The following SUSD4 variants were observed in gnomAD, a reference collection of about 807,000 sequenced individuals.
SUSD4 encodes sushi domain containing 4, also known as sushi domain-containing protein 4.
A neutral mutation model predicts 50.5 loss-of-function variants in SUSD4; 41 were observed. The ratio of observed to expected loss-of-function variants is 0.81; its 90% CI spans 0.63 to 1.05. The LOEUF (loss-of-function observed/expected upper bound fraction) is 1.05, where lower values mean the gene tolerates loss of function less well. Ranked by LOEUF, SUSD4 falls within the 50% of genes least tolerant of loss-of-function variation. The pLI is 0.00. For synonymous variants in SUSD4, 257 were observed against 257.3 expected, an observed-to-expected ratio of 1.00 and a Z score of 0.01; for missense variants, 580 against 634.7, an observed-to-expected ratio of 0.91 and a Z score of 0.93.
At chr1:223,265,439 T>C (rs1467927051) in intron 4 of SUSD4, among the ~76,000 whole-genome samples, 1 of 152,204 alleles carries the variant, frequency 6.6e-6, no homozygotes, top group Non-Finnish European at 1.5e-5. Flanking sequence ...GAGGGCTTGT[T>C]AGACACAGGC....
intron 2 of SUSD4, among the ~76,000 whole-genome samples, chr1:223,300,860 G>T (rs573264252): frequency 1.3e-5 from 2 of 152,172 alleles, no homozygotes; most frequent in East Asian, 3.9e-4. Flanking sequence ...CATTTTAGAG[G>T]TCATCTAGTT....
At chr1:223,308,698 A>C (rs1009145485) in intron 2 of SUSD4, among the ~76,000 whole-genome samples, 3 of 152,338 alleles carry the variant, frequency 2.0e-5, no homozygotes, top group African/African-American at 7.2e-5. Context: ...CAAAAAATGT[A>C]AACAACTGTG....
chr1:223,278,942 T>A (rs1014638251), intron 3 of SUSD4, among the ~76,000 whole-genome samples: 2 of 152,328 alleles, frequency 1.3e-5, no homozygotes, highest in South Asian at 4.1e-4. Flanking sequence ...CCACTGCTGA[T>A]ACCCAGGCAA....
In SUSD4 at chr1:223,223,424, G is replaced by C. The variant is rs1659265597; in HGVS notation, c.1269C>G (p.Gly423=). ...TGTCACAGGTTTCTGACTCCCCTGG[G>C]CCTGTGTCCGTGTCCCCTGAGCCGG... ...AYPGSGDTDT[G]PGESETCDSV... is the part of the protein sequence containing the mutation. Residue 423 remains glycine, a synonymous_variant, in exon 8 of 9, where the codon GGC becomes GGG. Coordinates refer to ENST00000366878, the MANE Select transcript of SUSD4 (RefSeq NM_017982.4). The C allele has an allele frequency of 6.2e-7, 1 of 1,613,856 alleles. No individual in the cohort carries two copies. The highest frequency in any genetic ancestry group is 8.5e-7 in the Non-Finnish European group (1 of 1,179,930).
chr1:223,292,438 C>T lies in SUSD4; in HGVS notation c.361+1G>A. The T allele has an allele frequency of 6.2e-7, 1 of 1,614,168 alleles. No homozygotes were observed. Among genetic ancestry groups the T allele is most frequent in the East Asian group, 2.2e-5 (1 of 44,874 alleles). ...CTTCCGTGGAGAAGTAAGCACTTTA[C>T]CTTCTTGCACACAGATGGAATTATC... On this transcript the variant is annotated splice_donor_variant, in intron 3 of 8. Transcript: ENST00000366878. LOFTEE classifies it high-confidence loss of function.
intron 5 of SUSD4, among the ~76,000 whole-genome samples, chr1:223,261,467 G>T (rs976906398): frequency 1.3e-5 from 2 of 152,154 alleles, no homozygotes; most frequent in Admixed American, 1.3e-4. Context: ...GGCTGGGTTT[G>T]CTCAGTGGCT....
intron 3 of SUSD4, among the ~76,000 whole-genome samples, chr1:223,269,861 T>C (rs1351027829): frequency 6.6e-6 from 1 of 152,182 alleles, no homozygotes; most frequent in African/African-American, 2.4e-5. Flanking sequence ...AACCCTCACC[T>C]TTAAGTTGCT....
At chr1:223,314,968 T>C (rs17518517) in intron 2 of SUSD4, among the ~76,000 whole-genome samples, 24,466 of 152,266 alleles carry the variant, frequency 0.16, 2,337 homozygotes, top group South Asian at 0.23. Context: ...TTTCAGGCTC[T>C]GCCTCAGATG....
At chr1:223,269,279 G>C (rs1392787050) in intron 3 of SUSD4, among the ~76,000 whole-genome samples, 4 of 152,200 alleles carry the variant, frequency 2.6e-5, no homozygotes, top group Admixed American at 6.5e-5. Flanking sequence ...CAAAGGCTCA[G>C]AGCAAGCCAC....
chr1:223,358,329 C>A (rs950808472), intron 2 of SUSD4, among the ~76,000 whole-genome samples: 3 of 152,046 alleles, frequency 2.0e-5, no homozygotes, highest in African/African-American at 7.2e-5. Flanking sequence ...TTCCTGTAAT[C>A]GCAGAATCAA....
intron 7 of SUSD4, among the ~76,000 whole-genome samples, chr1:223,226,863 T>G (rs2102994260): frequency 6.6e-6 from 1 of 152,334 alleles, no homozygotes; most frequent in Admixed American, 6.5e-5. Flanking sequence ...GTTCATAAAC[T>G]TATCCTTTTG....
chr1:223,238,387 T>A (rs749101489), intron 5 of SUSD4, among the ~76,000 whole-genome samples: 1 of 152,038 alleles, frequency 6.6e-6, no homozygotes, highest in Non-Finnish European at 1.5e-5. Context: ...CTGCTTACTT[T>A]GTATCTAATT....
At chr1:223,355,108 T>C (rs1207386898) in intron 2 of SUSD4, among the ~76,000 whole-genome samples, 1 of 151,336 alleles carries the variant, frequency 6.6e-6, no homozygotes, top group African/African-American at 2.4e-5. Flanking sequence ...GGAGTCTCGC[T>C]CTGTTGCCCA....
chr1:223,292,174 G>A (rs1664533155), intron 3 of SUSD4, among the ~76,000 whole-genome samples: 1 of 152,194 alleles, frequency 6.6e-6, no homozygotes, highest in African/African-American at 2.4e-5. Context: ...AATGTTATCT[G>A]AGTTGCTCTC....
chr1:223,317,285 G>A (rs1666256737), intron 2 of SUSD4, among the ~76,000 whole-genome samples: 1 of 152,182 alleles, frequency 6.6e-6, no homozygotes, highest in East Asian at 1.9e-4. Context: ...AAATGCCATG[G>A]CAACATCAGA....
chr1:223,311,186 A>T (rs1370753720), intron 2 of SUSD4, among the ~76,000 whole-genome samples: 1 of 152,264 alleles, frequency 6.6e-6, no homozygotes, highest in Admixed American at 6.5e-5. Context: ...TTCAGGATTG[A>T]TAATGAACCA....
intron 2 of SUSD4, among the ~76,000 whole-genome samples, chr1:223,296,187 T>C (rs1264938071): frequency 1.3e-5 from 2 of 151,820 alleles, no homozygotes; most frequent in Non-Finnish European, 2.9e-5. Context: ...GCAAAGACAG[T>C]GGAATGGAGA....
chr1:223,304,314 A>G (rs1050262233), intron 2 of SUSD4, among the ~76,000 whole-genome samples: 3 of 152,214 alleles, frequency 2.0e-5, no homozygotes, highest in Admixed American at 1.3e-4. Flanking sequence ...CCAACCTGGC[A>G]TTGTCTTTAC....
At chr1:223,349,540 T>C (rs1007137912) in intron 2 of SUSD4, among the ~76,000 whole-genome samples, 2 of 152,222 alleles carry the variant, frequency 1.3e-5, no homozygotes, top group African/African-American at 4.8e-5. Flanking sequence ...GACTCCATCA[T>C]CAGTGCCTGC....
Sources: gnomAD v4.1 joint callset for allele counts (sites outside exome capture counted in the v4.1 genomes callset) on GRCh38, gnomAD v4.1.1 for gene constraint, MANE v1.5 for transcripts, NCBI Gene and HGNC (gene_info 2026-07-23, HGNC 2026-07-21) for gene names.